ANO1: variants seen among roughly 807,000 people sequenced by gnomAD.
ANO1 encodes the protein anoctamin 1.
Under a neutral mutation model 124.0 loss-of-function variants are expected in ANO1, and 59 were observed. That is an observed-to-expected ratio of 0.48 (90% CI 0.39 to 0.59). The LOEUF (loss-of-function observed/expected upper bound fraction) is 0.59, where lower values mean the gene tolerates loss of function less well. ANO1 is among the 20% of genes least tolerant of loss of function. The pLI, the probability that ANO1 is intolerant of heterozygous loss-of-function variation, is 0.00. For synonymous variants in ANO1, 529 were observed against 532.0 expected (o/e 0.99, Z 0.08); for missense variants, 1,059 against 1,328.0 (o/e 0.80, Z 3.15).
At chr11:70,120,881 C>T (rs1232557408) in intron 8 of ANO1, among the ~76,000 whole-genome samples, 1 of 152,138 alleles carries the variant, frequency 6.6e-6, no homozygotes, top group African/African-American at 2.4e-5. Context: ...GCCTTGTTCT[C>T]CAGCCCACAG....
In ANO1 at chr11:70,088,051, G is replaced by A. The variant is rs955897664; in HGVS notation, c.408G>A (p.Leu136=). Residue 136 remains leucine, a synonymous_variant, in exon 2 of 26, where the codon CTG becomes CTA. Transcript: ENST00000355303. ...FRREEYEGNL[L]EAGLELERDE... Reference sequence around the variant, plus strand: ...GGGAGGAGTACGAGGGCAACCTCCTGGAGGCGGGCCTGGAGCTGGAGCGGG... The same window carrying A: ...GGGAGGAGTACGAGGGCAACCTCCTAGAGGCGGGCCTGGAGCTGGAGCGGG... 2.4e-5 allele frequency: 35 copies of A among 1,440,830 alleles called. No homozygotes were observed. Among genetic ancestry groups the A allele is most frequent in the Non-Finnish European group, 3.1e-5 (34 of 1,093,744 alleles). 89.3% of individuals were successfully genotyped at this position (1,440,830 alleles called of 1,614,324 possible). A position where few individuals can be genotyped will look rare whatever the true frequency, so the allele number is the denominator to read the frequency against.
chr11:70,184,404 A>G (rs751099037), intron 24 of ANO1, among the ~76,000 whole-genome samples: 7 of 152,112 alleles, frequency 4.6e-5, no homozygotes, highest in Non-Finnish European at 5.9e-5. Flanking sequence ...TGAGGCTCCA[A>G]TCATATCCAC....
At chr11:70,067,329 T>TG (rs1228064226) in intron 1 of ANO1, among the ~76,000 whole-genome samples, 37 of 147,640 alleles carry the variant, frequency 2.5e-4, no homozygotes, top group African/African-American at 2.7e-4. Flanking sequence ...GGGTGTTTTT[T>TG]TTTTTTTTTT....
intron 18 of ANO1, among the ~76,000 whole-genome samples, chr11:70,162,264 C>T (rs2048082142): frequency 1.3e-5 from 2 of 150,488 alleles, no homozygotes; most frequent in Admixed American, 6.6e-5. Flanking sequence ...AGTGAGGGCC[C>T]CGGACAGTGG....
intron 11 of ANO1, among the ~76,000 whole-genome samples, chr11:70,138,932 C>T (rs1006007943): frequency 6.6e-6 from 1 of 152,130 alleles, no homozygotes; most frequent in Non-Finnish European, 1.5e-5. Context: ...ACCCTCCTCC[C>T]ACCCTCCACC....
chr11:70,100,504 G>A (rs924028466), intron 2 of ANO1, among the ~76,000 whole-genome samples: 4 of 152,230 alleles, frequency 2.6e-5, no homozygotes, highest in African/African-American at 9.6e-5. Flanking sequence ...CGGAAGCTGG[G>A]AGAGGCAGGA....
intron 11 of ANO1, among the ~76,000 whole-genome samples, chr11:70,145,665 A>G (rs1424087725): frequency 6.6e-6 from 1 of 152,100 alleles, no homozygotes; most frequent in East Asian, 1.9e-4. Context: ...TGCCAGGTGC[A>G]GTGGCTCATA....
At chr11:70,011,812 G>T (rs11236532) in intron 1 of ANO1, among the ~76,000 whole-genome samples, 2 of 152,022 alleles carry the variant, frequency 1.3e-5, no homozygotes, top group Non-Finnish European at 2.9e-5. Context: ...TCAATAGATG[G>T]CTGTAATAGC....
intron 1 of ANO1, among the ~76,000 whole-genome samples, chr11:70,010,161 G>GTATA (rs1856567322): frequency 2.2e-5 from 1 of 45,506 alleles, no homozygotes; most frequent in African/African-American, 7.2e-5. Flanking sequence ...GTGTGTGTGT[G>GTATA]TGTGCGCGTG....
intron 11 of ANO1, among the ~76,000 whole-genome samples, chr11:70,147,427 G>C (rs990053602): frequency 6.6e-6 from 1 of 152,180 alleles, no homozygotes; most frequent in African/African-American, 2.4e-5. Context: ...GGGGCCTCCT[G>C]CTGGGCCCCC....
chr11:70,162,759 C>G (rs948302144), intron 18 of ANO1, among the ~76,000 whole-genome samples: 1 of 152,230 alleles, frequency 6.6e-6, no homozygotes, highest in South Asian at 2.1e-4. Context: ...GCCCCCTGAG[C>G]GCATCCAGGA....
rs2047649199 is a variant in ANO1, at chr11:70,152,587, T to C, written c.1353+126T>C. On this transcript the variant is annotated intron_variant, in intron 13 of 25. Transcript: ENST00000355303. ...AGTTCCTCCACGCGGGTGGGGTCTC[T>C]GCTTTCTCCCCACCTCCGGTCTCTC... 2.7e-6 allele frequency: 3 copies of C among 1,123,030 alleles called. No homozygotes were observed. The East Asian group carries it at 7.6e-5, about 28-fold the overall frequency. 69.6% of individuals were successfully genotyped at this position (1,123,030 alleles called of 1,614,324 possible).
chr11:70,129,683 G>A (rs1324158821), intron 10 of ANO1: 1 of 151,390 alleles, frequency 6.6e-6, no homozygotes, highest in Non-Finnish European at 1.5e-5. Context: ...GAGTACAGTG[G>A]TGTGATCTCG....
chr11:70,187,834 G>A lies in ANO1; in HGVS notation c.2791G>A (p.Val931Met). ...GATCCACAAGGAGAAGGTGCTCATG[G>A]TGGAGCTGTTCATGCGGGAGGAGCA... The part of the protein sequence containing the change: ...QQIHKEKVLM[V>M]ELFMREEQDK... Residue 931 changes from valine to methionine, a missense_variant, in exon 26 of 26, where the codon GTG (valine) becomes ATG (methionine). Physicochemically the swap from Val to Met is conservative, Grantham distance 21. Around this residue, in one of 2 missense-constraint regions of ANO1, gnomAD observed 809 missense variants for 1,094.9 expected, o/e 0.74. Transcript: ENST00000355303. The A allele has an allele frequency of 6.2e-7, 1 of 1,609,158 alleles. No homozygotes were observed. Among genetic ancestry groups the A allele is most frequent in the Non-Finnish European group, 8.5e-7 (1 of 1,177,988 alleles).
At chr11:70,000,968 A>G (rs1856372053) in intron 1 of ANO1, among the ~76,000 whole-genome samples, 1 of 151,740 alleles carries the variant, frequency 6.6e-6, no homozygotes, top group Non-Finnish European at 1.5e-5. Context: ...ACCCTTGCCT[A>G]CTGCTCATGG....
In ANO1 at chr11:70,104,798, G is replaced by A. The variant is rs188796310; in HGVS notation, c.692+648G>A. Among the ~76,000 whole-genome samples the A allele has an allele frequency of 3.4e-3, 517 of 152,278 alleles. 4 individuals are homozygous for A. Among genetic ancestry groups the A allele is most frequent in the African/African-American group, 0.012 (504 of 41,558 alleles). On this transcript the variant is annotated intron_variant, in intron 4 of 25. Coordinates refer to ENST00000355303, the MANE Select transcript of ANO1 (RefSeq NM_018043.7). ...GGACTTTGGATGGAAGCTCTGGCGG[G>A]CAGGAGGGCTCCTGGACAGTGCTGG...
intron 22 of ANO1, among the ~76,000 whole-genome samples, chr11:70,172,079 C>T (rs1024491481): frequency 4.8e-5 from 7 of 145,722 alleles, no homozygotes; most frequent in Non-Finnish European, 8.9e-5. Context: ...GTGATCATGC[C>T]ACTACACTCC....
At chr11:70,175,018 G>T (rs1415525523) in intron 22 of ANO1, among the ~76,000 whole-genome samples, 1 of 134,286 alleles carries the variant, frequency 7.4e-6, no homozygotes, top group Non-Finnish European at 1.6e-5. Flanking sequence ...ACCCCCGCCC[G>T]CCACCTGCCA....
rs551401982 is a variant in ANO1, at chr11:70,109,741, A to G, written c.799+1337A>G. 4.3e-4 allele frequency among the ~76,000 whole-genome samples: 66 copies of G among 152,244 alleles called. 2 individuals carry two copies. Among genetic ancestry groups the G allele is most frequent in the Non-Finnish European group, 5.7e-4 (39 of 68,016 alleles). ...AGCGTTCCTTCCAGTAGAAACGTGT[A>G]TGGTTGCAATAGAAGTCCAGCGTCT... On this transcript the variant is annotated intron_variant, in intron 6 of 25. Transcript: ENST00000355303.
Sources: allele counts gnomAD v4.1 joint callset (sites outside exome capture counted in the v4.1 genomes callset), GRCh38; gene constraint gnomAD v4.1.1; regional missense constraint gnomAD v4.1.1; transcripts MANE v1.5; gene names NCBI Gene and HGNC (gene_info 2026-07-23, HGNC 2026-07-21).